The following KIF26B variants were observed in gnomAD, a reference collection of about 807,000 sequenced individuals.
KIF26B encodes kinesin family member 26B.
KIF26B carries 63 observed loss-of-function variants against 151.2 expected under a neutral mutation model. The ratio of observed to expected loss-of-function variants is 0.42; its 90% confidence interval spans 0.34 to 0.51. The LOEUF is 0.51. Among genes scored for constraint, KIF26B ranks in the 20% least tolerant of loss-of-function variants. The probability of loss-of-function intolerance (pLI) is 0.07; values close to 1 mark genes in which losing one functional copy is unlikely to be tolerated. For missense variants in KIF26B, 2,813 were observed against 2,913.6 expected (o/e 0.97, Z 0.79); for synonymous variants, 1,357 against 1,262.1 (o/e 1.08, Z -1.59).
Position 245,181,788 on chromosome 1 carries a change from C to T in KIF26B, c.465+25105C>T. On this transcript the variant is annotated intron_variant, in intron 2 of 14. Transcript: ENST00000407071. ...TCTATTTTTTTATGACAAGAGCCCT[C>T]TAGTCTCAGCTTTGTGAGACAGAAA... Among the ~76,000 whole-genome samples the T allele has an allele frequency of 1.3e-5, 2 of 152,058 alleles. 1 individual carries two copies. The highest frequency in any genetic ancestry group is 2.9e-5 in the Non-Finnish European group (2 of 68,032).
chr1:245,280,190 C>T (rs1245001745), intron 2 of KIF26B, among the ~76,000 whole-genome samples: 1 of 151,886 alleles, frequency 6.6e-6, no homozygotes, highest in Non-Finnish European at 1.5e-5. Flanking sequence ...TGTGGCATCT[C>T]CACAGTGGGG....
At chr1:245,627,292 T>A (rs114253157) in intron 9 of KIF26B, among the ~76,000 whole-genome samples, 1,546 of 152,304 alleles carry the variant, frequency 0.01, 36 homozygotes, top group African/African-American at 0.035. Flanking sequence ...GTCTGTAGAT[T>A]GCTTTGAGTA....
chr1:245,281,949 G>A (rs1282355143), intron 2 of KIF26B, among the ~76,000 whole-genome samples: 2 of 151,820 alleles, frequency 1.3e-5, no homozygotes, highest in African/African-American at 4.8e-5. Flanking sequence ...GCTCTGTTCT[G>A]TTCCATTGAT....
At chr1:245,303,648 A>T (rs1279475411) in intron 2 of KIF26B, among the ~76,000 whole-genome samples, 1 of 152,254 alleles carries the variant, frequency 6.6e-6, no homozygotes, top group Admixed American at 6.5e-5. Flanking sequence ...AAGACTATCT[A>T]ACAGTAGTAG....
intron 2 of KIF26B, among the ~76,000 whole-genome samples, chr1:245,171,335 A>G (rs946580348): frequency 6.6e-6 from 1 of 152,168 alleles, no homozygotes; most frequent in Non-Finnish European, 1.5e-5. Context: ...CGATGTCGGG[A>G]GTTCGAAACC....
chr1:245,321,067 G>GAAAGA (rs1486514346), intron 2 of KIF26B, among the ~76,000 whole-genome samples: 2 of 152,080 alleles, frequency 1.3e-5, no homozygotes, highest in African/African-American at 2.4e-5. Context: ...GTTCTGGTTA[G>GAAAGA]AAAGAAAAAA....
At chr1:245,679,442 GTTTTT>G (rs111961107) in intron 10 of KIF26B, among the ~76,000 whole-genome samples, 2 of 74,180 alleles carry the variant, frequency 2.7e-5, no homozygotes, top group African/African-American at 4.8e-5. Context: ...GGTTTTTTGT[GTTTTT>G]TTTGTGTGTG....
At chr1:245,674,684 A>C (rs2044335721) in intron 10 of KIF26B, among the ~76,000 whole-genome samples, 1 of 152,200 alleles carries the variant, frequency 6.6e-6, no homozygotes, top group Admixed American at 6.5e-5. Context: ...AATAAAAATA[A>C]ATGTAGGATT....
At chr1:245,592,143 C>CAA (rs2043294948) in intron 5 of KIF26B, among the ~76,000 whole-genome samples, 2 of 152,236 alleles carry the variant, frequency 1.3e-5, no homozygotes, top group South Asian at 4.1e-4. Context: ...CACCACTTGT[C>CAA]ACCTTTCCCG....
intron 9 of KIF26B, among the ~76,000 whole-genome samples, chr1:245,640,648 G>T (rs940085432): frequency 6.6e-6 from 1 of 151,584 alleles, no homozygotes; most frequent in South Asian, 2.1e-4. Context: ...GTTTTAATTT[G>T]CTGCTTTTAT....
intron 4 of KIF26B, among the ~76,000 whole-genome samples, chr1:245,459,950 G>A (rs1037479055): frequency 4.6e-5 from 7 of 151,822 alleles, no homozygotes; most frequent in Non-Finnish European, 8.8e-5. Flanking sequence ...AGTCAAGAAA[G>A]GCTCTAGATG....
chr1:245,408,939 C>T (rs531816385), intron 3 of KIF26B, among the ~76,000 whole-genome samples: 77 of 152,250 alleles, frequency 5.1e-4, no homozygotes, highest in African/African-American at 1.6e-3. Context: ...AACAGAAGCC[C>T]GCTCATGGTA....
chr1:245,290,972 G>T (rs753595295), intron 2 of KIF26B, among the ~76,000 whole-genome samples: 1 of 152,350 alleles, frequency 6.6e-6, no homozygotes. Flanking sequence ...CTTCCAGGCC[G>T]TTGAGTGCTG....
At chr1:245,493,762 G>C (rs1227019439) in intron 4 of KIF26B, among the ~76,000 whole-genome samples, 1 of 152,176 alleles carries the variant, frequency 6.6e-6, no homozygotes, top group African/African-American at 2.4e-5. Context: ...TTCATCTGCT[G>C]AGAAGGCAGC....
chr1:245,674,780 T>C (rs2044337215), intron 10 of KIF26B, among the ~76,000 whole-genome samples: 1 of 152,248 alleles, frequency 6.6e-6, no homozygotes, highest in Non-Finnish European at 1.5e-5. Context: ...ACAGCTCTTA[T>C]AGTCAAGGTT....
intron 2 of KIF26B, among the ~76,000 whole-genome samples, chr1:245,274,240 T>C (rs1330147206): frequency 1.1e-4 from 17 of 152,184 alleles, no homozygotes. Flanking sequence ...TTTTTTTAAT[T>C]ATACTTTAAG....
At chr1:245,533,476 A>G (rs557988647) in intron 4 of KIF26B, among the ~76,000 whole-genome samples, 1 of 152,316 alleles carries the variant, frequency 6.6e-6, no homozygotes, top group South Asian at 2.1e-4. Context: ...CACCCCTCAG[A>G]CAAGATGAAA....
Position 245,608,053 on chromosome 1 carries a change from C to T in KIF26B, c.1651+309C>T, listed in dbSNP as rs559691849. On this transcript the variant is annotated intron_variant, in intron 7 of 14. Transcript: ENST00000407071. ...GGAAAATATTCATTTCCTGAGCAGC[C>T]GCTGTTTGGGAAGCAGATAGGGCCC... 5.5e-4 allele frequency among the ~76,000 whole-genome samples: 83 copies of T among 152,210 alleles called. 1 individual carries two copies. The South Asian group carries it at 0.015, about 28-fold the overall frequency.
chr1:245,418,123 G>A (rs949569393), intron 3 of KIF26B, among the ~76,000 whole-genome samples: 1 of 152,202 alleles, frequency 6.6e-6, no homozygotes, highest in African/African-American at 2.4e-5. Flanking sequence ...CAGCTTTCCA[G>A]TTGTTTCAGC....
Sources: allele counts gnomAD v4.1 joint callset (sites outside exome capture counted in the v4.1 genomes callset), GRCh38; gene constraint gnomAD v4.1.1; transcripts MANE v1.5; gene names NCBI Gene and HGNC (gene_info 2026-07-23, HGNC 2026-07-21).